LIN7A: variants seen among roughly 807,000 people sequenced by gnomAD.
LIN7A encodes the protein protein lin-7 homolog A.
A neutral mutation model predicts 29.8 loss-of-function variants in LIN7A; 25 were observed. The ratio of observed to expected loss-of-function variants is 0.84; its 90% CI spans 0.61 to 1.17. LIN7A has a LOEUF of 1.17. Ranked by LOEUF, LIN7A falls within the 50% of genes most tolerant of loss-of-function variation. The pLI, the probability that LIN7A is intolerant of heterozygous loss-of-function variation, is 0.00. For missense variants in LIN7A, 239 were observed against 287.0 expected, an observed-to-expected ratio of 0.83 and a Z score of 1.21; for synonymous variants, 118 against 107.5, an observed-to-expected ratio of 1.10 and a Z score of -0.60.
intron 4 of LIN7A, among the ~76,000 whole-genome samples, chr12:80,824,386 CA>C (rs556776097): frequency 1.7e-4 from 25 of 145,298 alleles, no homozygotes; most frequent in East Asian, 6.0e-4. Flanking sequence ...ACATTGCCAA[CA>C]AAAAAAAAAG....
intron 4 of LIN7A, among the ~76,000 whole-genome samples, chr12:80,812,561 G>GT (rs1033130984): frequency 6.8e-5 from 10 of 147,070 alleles, no homozygotes; most frequent in African/African-American, 2.2e-4. Flanking sequence ...GCCCTTTTTT[G>GT]TTTTTTTGAG....
At chr12:80,837,825 ATCATCATCATCATCC>A (rs1872647246) in intron 4 of LIN7A, among the ~76,000 whole-genome samples, 1 of 150,130 alleles carries the variant, frequency 6.7e-6, no homozygotes, top group Admixed American at 6.6e-5. Context: ...GTATGTATTT[ATCATCATCATCATCC>A]TCATCATCAT....
chr12:80,898,893 A>G (rs750669590), intron 1 of LIN7A, among the ~76,000 whole-genome samples: 25 of 152,126 alleles, frequency 1.6e-4, no homozygotes, highest in Non-Finnish European at 2.6e-4. Flanking sequence ...CACACAGTCT[A>G]TGGGGTTTTC....
chr12:80,834,881 G>T (rs576578750), intron 4 of LIN7A, among the ~76,000 whole-genome samples: 48 of 152,274 alleles, frequency 3.2e-4, no homozygotes, highest in Non-Finnish European at 5.0e-4. Context: ...TGTAGCTGTG[G>T]CATATTAACA....
At chr12:80,814,329 T>C (rs1048730566) in intron 4 of LIN7A, among the ~76,000 whole-genome samples, 6 of 152,218 alleles carry the variant, frequency 3.9e-5, no homozygotes, top group African/African-American at 1.2e-4. Flanking sequence ...ATGCATATAA[T>C]TTTCCTTTGA....
intron 2 of LIN7A, among the ~76,000 whole-genome samples, chr12:80,880,982 T>A (rs1040814669): frequency 7.2e-5 from 11 of 152,026 alleles, no homozygotes; most frequent in African/African-American, 2.7e-4. Flanking sequence ...GTGCTATTAA[T>A]TTTTTTTATT....
intron 4 of LIN7A, among the ~76,000 whole-genome samples, chr12:80,830,600 T>C (rs187053939): frequency 3.5e-4 from 53 of 152,336 alleles, no homozygotes; most frequent in Non-Finnish European, 6.8e-4. Flanking sequence ...ATGGCACATA[T>C]AATTGAGTAG....
intron 2 of LIN7A, among the ~76,000 whole-genome samples, chr12:80,864,354 T>C (rs1874032832): frequency 6.6e-6 from 1 of 151,644 alleles, no homozygotes; most frequent in Admixed American, 6.6e-5. Flanking sequence ...ATCACTTTAT[T>C]GCTGAAAAAA....
At chr12:80,908,888 T>A (rs1181994339) in intron 1 of LIN7A, among the ~76,000 whole-genome samples, 1 of 152,100 alleles carries the variant, frequency 6.6e-6, no homozygotes. Flanking sequence ...ATATTTTGAA[T>A]ACAAATACTT....
chr12:80,807,087 T>TGTTTGTTTTTG (rs1592848750), intron 5 of LIN7A, among the ~76,000 whole-genome samples: 1 of 141,062 alleles, frequency 7.1e-6, no homozygotes, highest in Non-Finnish European at 1.5e-5. Context: ...TTTTTTTTTT[T>TGTTTGTTTTTG]TTTTGACGGA....
At chr12:80,814,387 T>C (rs1481108024) in intron 4 of LIN7A, among the ~76,000 whole-genome samples, 1 of 151,162 alleles carries the variant, frequency 6.6e-6, no homozygotes, top group Non-Finnish European at 1.5e-5. Flanking sequence ...CTCTAATTTC[T>C]TTTTTAATAT....
intron 4 of LIN7A, among the ~76,000 whole-genome samples, chr12:80,830,290 T>C (rs184268429): frequency 1.6e-4 from 25 of 152,310 alleles, no homozygotes; most frequent in Admixed American, 1.2e-3. Flanking sequence ...AACACTAAAA[T>C]AGAAAAACTA....
chr12:80,834,122 G>T (rs1872505259), intron 4 of LIN7A, among the ~76,000 whole-genome samples: 1 of 152,102 alleles, frequency 6.6e-6, no homozygotes, highest in African/African-American at 2.4e-5. Context: ...CTCTTCTGAT[G>T]TCACATTTTA....
intron 2 of LIN7A, among the ~76,000 whole-genome samples, chr12:80,884,801 C>A (rs1340506433): frequency 6.6e-6 from 1 of 152,092 alleles, no homozygotes. Flanking sequence ...CCAAAGAAGG[C>A]AGTTCTTGGT....
At chr12:80,877,649 G>T (rs1190611575) in intron 2 of LIN7A, among the ~76,000 whole-genome samples, 2 of 152,026 alleles carry the variant, frequency 1.3e-5, no homozygotes, top group Non-Finnish European at 2.9e-5. Flanking sequence ...AAGAGAGTAA[G>T]CTAGTAATCG....
At chr12:80,829,548 T>G (rs904066848) in intron 4 of LIN7A, among the ~76,000 whole-genome samples, 5 of 152,198 alleles carry the variant, frequency 3.3e-5, no homozygotes, top group African/African-American at 1.2e-4. Context: ...GGAAGGATTA[T>G]GAAATACTTC....
chr12:80,794,069 G>T lies in LIN7A; in HGVS notation c.*3658C>A, dbSNP rs2121457103. On this transcript the variant is annotated 3_prime_UTR_variant, in exon 6 of 6. Coordinates refer to ENST00000552864, the MANE Select transcript of LIN7A (RefSeq NM_004664.4). ...CATACATCTAAAAAGTTTTTATATA[G>T]ACTCAAAATATGGTTCTAACCATGA... 6.7e-6 allele frequency: 1 copy of T among 149,616 alleles called. No homozygotes were observed. The highest frequency in any genetic ancestry group is 2.1e-4 in the South Asian group (1 of 4,822). The allele number at this position is 149,616 out of a possible 1,614,324, so 9.3% of individuals were successfully genotyped here. A position where few individuals can be genotyped will look rare whatever the true frequency, so the allele number is the denominator to read the frequency against.
intron 4 of LIN7A, among the ~76,000 whole-genome samples, chr12:80,841,529 T>A (rs1872824377): frequency 6.6e-6 from 1 of 152,126 alleles, no homozygotes; most frequent in Non-Finnish European, 1.5e-5. Flanking sequence ...TCCCTCAACT[T>A]GCTTTATATT....
In LIN7A at chr12:80,845,569, T is replaced by C. The variant is rs555956374; in HGVS notation, c.483+161A>G. 9 of 522,826 alleles carry C rather than the reference T, an allele frequency of 1.7e-5. No individual in the cohort carries two copies. The South Asian group carries it at 3.0e-4, about 17-fold the overall frequency. 32.4% of individuals were successfully genotyped at this position (522,826 alleles called of 1,614,324 possible). ...AATGAAATGAGACATAAAAATTAGA[T>C]TGCAGCTTTTATAGGTTTAATATCC... On this transcript the variant is annotated intron_variant, in intron 4 of 5. Coordinates refer to ENST00000552864, the MANE Select transcript of LIN7A (RefSeq NM_004664.4).
Sources: allele counts gnomAD v4.1 joint callset (sites outside exome capture counted in the v4.1 genomes callset), GRCh38; gene constraint gnomAD v4.1.1; transcripts MANE v1.5; gene names NCBI Gene and HGNC (gene_info 2026-07-23, HGNC 2026-07-21).